RPS6KA5: variants seen among roughly 807,000 people sequenced by gnomAD.
RPS6KA5 encodes the protein ribosomal protein S6 kinase A5.
In RPS6KA5, 27 loss-of-function variants were observed where a neutral mutation model predicts 85.5. That is an observed-to-expected ratio of 0.32 (90% CI 0.23 to 0.44). The LOEUF is 0.44. Among genes scored for constraint, RPS6KA5 ranks in the 20% least tolerant of loss-of-function variants. The probability of loss-of-function intolerance (pLI) is 1.00; values close to 1 mark genes in which losing one functional copy is unlikely to be tolerated. For synonymous variants in RPS6KA5, 334 were observed against 348.2 expected (o/e 0.96, Z 0.46); for missense variants, 811 against 980.9 (o/e 0.83, Z 2.31).
intron 3 of RPS6KA5, among the ~76,000 whole-genome samples, chr14:90,952,471 G>A (rs1005774090): frequency 5.3e-5 from 8 of 152,220 alleles, no homozygotes; most frequent in African/African-American, 1.9e-4. Context: ...CTGTGATCAT[G>A]GGCCTAATTA....
At chr14:91,038,362 CT>C (rs2042479104) in intron 1 of RPS6KA5, among the ~76,000 whole-genome samples, 1 of 152,132 alleles carries the variant, frequency 6.6e-6, no homozygotes, top group South Asian at 2.1e-4. Flanking sequence ...GTTAAAGAGT[CT>C]GTATAAGACT....
chr14:91,040,537 A>T (rs2042568505), intron 1 of RPS6KA5, among the ~76,000 whole-genome samples: 1 of 152,138 alleles, frequency 6.6e-6, no homozygotes, highest in Non-Finnish European at 1.5e-5. Context: ...GGGCTGCTAG[A>T]AGTGATAAGA....
intron 14 of RPS6KA5, among the ~76,000 whole-genome samples, chr14:90,885,763 A>G (rs1385419901): frequency 6.9e-6 from 1 of 144,080 alleles, no homozygotes; most frequent in Non-Finnish European, 1.5e-5. Flanking sequence ...AAAAAAAAAA[A>G]AAAAAAAAAA....
Position 91,052,280 on chromosome 14 carries a change from TCTACTAAAAAAAAAAAAAAAA to T in RPS6KA5, c.103+8031_103+8051del, listed in dbSNP as rs1217432957. 6.0e-4 allele frequency: 160 copies of T among 266,030 alleles called. 3 individuals are homozygous for T. The highest frequency in any genetic ancestry group is 3.5e-4 in the Non-Finnish European group (53 of 152,518). The allele number at this position is 266,030 out of a possible 1,614,324, so 16.5% of individuals were successfully genotyped here. ...CTGGCCAACATGGCAAAACCCCATCTCTACTAAAAAAAAAAAAAAAAAAAAAAAAAAAAAAAAATTACCTGG... is the reference window on the plus strand; with the variant it reads ...CTGGCCAACATGGCAAAACCCCATCTAAAAAAAAAAAAAAAAATTACCTGG... On this transcript the variant is annotated intron_variant, in intron 1 of 16. Transcript: ENST00000614987.
intron 3 of RPS6KA5, among the ~76,000 whole-genome samples, chr14:90,956,786 A>G (rs2038537154): frequency 6.6e-6 from 1 of 151,812 alleles, no homozygotes; most frequent in Non-Finnish European, 1.5e-5. Context: ...CATTAATTCT[A>G]TATATCTATA....
At chr14:90,887,337 T>C (rs1471695182) in intron 14 of RPS6KA5, among the ~76,000 whole-genome samples, 1 of 151,780 alleles carries the variant, frequency 6.6e-6, no homozygotes, top group Non-Finnish European at 1.5e-5. Context: ...TGAGCCACCA[T>C]GCCCAGCTAA....
intron 1 of RPS6KA5, among the ~76,000 whole-genome samples, chr14:91,043,559 GAAT>G (rs569001812): frequency 1.3e-5 from 2 of 152,196 alleles, no homozygotes; most frequent in Non-Finnish European, 2.9e-5. Context: ...ATTGGAAGAA[GAAT>G]AATAATAATT....
chr14:90,978,363 A>G lies in RPS6KA5; in HGVS notation c.337T>C (p.Phe113Leu). ...AAAGCATAATGTAATGTTACCAAAAATGGCGACTGCCTAATGTGTTCCAGG... is the reference window on the plus strand; with the variant it reads ...AAAGCATAATGTAATGTTACCAAAAGTGGCGACTGCCTAATGTGTTCCAGG... ...QVLEHIRQSP[F>L]LVTLHYAFQT... Residue 113 changes from phenylalanine to leucine, a missense_variant, in exon 3 of 17, where the codon TTT becomes CTT. By Grantham distance (22) the Phe-to-Leu change is conservative. Coordinates refer to ENST00000614987, the MANE Select transcript of RPS6KA5 (RefSeq NM_004755.4). 1 of 1,613,382 alleles carries G rather than the reference A, an allele frequency of 6.2e-7. No homozygotes were observed.
chr14:90,957,302 T>C (rs2038574615), intron 3 of RPS6KA5, among the ~76,000 whole-genome samples: 1 of 152,226 alleles, frequency 6.6e-6, no homozygotes, highest in African/African-American at 2.4e-5. Flanking sequence ...TGGCCTCTCG[T>C]GATCTGCCTC....
chr14:90,911,444 T>C (rs542697343), intron 7 of RPS6KA5: 1 of 152,344 alleles, frequency 6.6e-6, no homozygotes, highest in Admixed American at 6.5e-5. Flanking sequence ...TTCACAATCT[T>C]TTCCATTTCA....
At position 90,899,544 on chromosome 14, in the gene RPS6KA5, G is replaced by A; in HGVS notation, c.1380-122C>T. The A allele has an allele frequency of 4.9e-6, 3 of 617,888 alleles. No homozygotes were observed. In the South Asian group the frequency reaches 6.5e-5, roughly 13 times the overall value. 38.3% of individuals were successfully genotyped at this position (617,888 alleles called of 1,614,324 possible). On this transcript the variant is annotated intron_variant, in intron 11 of 16. Transcript: ENST00000614987. ...CAGAATATACATGTTACAGTATACT[G>A]TAATGAGGTTTCCATGAAAGTAATG...
intron 14 of RPS6KA5, among the ~76,000 whole-genome samples, chr14:90,888,546 C>T (rs565760241): frequency 2.0e-5 from 3 of 151,728 alleles, no homozygotes; most frequent in South Asian, 4.2e-4. Context: ...GACTGAAAAC[C>T]GATGAGATAA....
chr14:90,893,139 T>C (rs1428407418), intron 13 of RPS6KA5, among the ~76,000 whole-genome samples: 3 of 152,154 alleles, frequency 2.0e-5, no homozygotes, highest in Non-Finnish European at 2.9e-5. Context: ...ATCTTTTCAA[T>C]TAAAAAAAAC....
chr14:90,929,811 G>A lies in RPS6KA5; in HGVS notation c.619-6615C>T, dbSNP rs576341426. Among the ~76,000 whole-genome samples the A allele has an allele frequency of 1.3e-3, 199 of 152,192 alleles. 1 individual carries two copies. The highest frequency in any genetic ancestry group is 1.6e-3 in the Non-Finnish European group (111 of 67,982). ...GAAAGGAGAGGGAGGTAGGGTGAGG[G>A]TGAAGAGGAAAAAGATCTCACCTTT... On this transcript the variant is annotated intron_variant, in intron 5 of 16. Coordinates refer to ENST00000614987, the MANE Select transcript of RPS6KA5 (RefSeq NM_004755.4).
chr14:90,879,466 G>A (rs1414865802), intron 14 of RPS6KA5, among the ~76,000 whole-genome samples: 2 of 152,200 alleles, frequency 1.3e-5, no homozygotes, highest in Admixed American at 6.5e-5. Flanking sequence ...TGGGGTCGGG[G>A]TGCTGTCTCT....
At chr14:90,933,138 A>G (rs1024839210) in intron 5 of RPS6KA5, among the ~76,000 whole-genome samples, 2 of 152,192 alleles carry the variant, frequency 1.3e-5, no homozygotes, top group Non-Finnish European at 2.9e-5. Context: ...ATAGCATTTG[A>G]CACAGTTAAT....
chr14:90,923,126 G>T lies in RPS6KA5; in HGVS notation c.689C>A (p.Ser230Ter). 6.2e-7 allele frequency: 1 copy of T among 1,609,864 alleles called. No homozygotes were observed. The highest frequency in any genetic ancestry group is 8.5e-7 in the Non-Finnish European group (1 of 1,176,606). Residue 230 changes from serine to a stop codon, truncating the protein, a stop_gained, in exon 6 of 17, where the codon TCA (serine) becomes TAA (stop). Transcript: ENST00000614987. LOFTEE classifies it high-confidence loss of function. Reference protein sequence around the residue: ...MAPDIVRGGDSGHDKAVDWWS... With the variant: ...MAPDIVRGGD ...AATAGAACATACCTTGTCATGTCCT[G>T]AATCTCCCCCTCTGACAATATCTGG...
At chr14:91,037,025 C>T (rs9323855) in intron 1 of RPS6KA5, among the ~76,000 whole-genome samples, 79,007 of 152,008 alleles carry the variant, frequency 0.52, 20,839 homozygotes, top group East Asian at 0.56. Flanking sequence ...TAAGAGAGAG[C>T]TAACAGAATA....
intron 3 of RPS6KA5, among the ~76,000 whole-genome samples, chr14:90,969,860 TTC>T (rs1349835554): frequency 1.3e-5 from 2 of 151,806 alleles, no homozygotes; most frequent in East Asian, 1.9e-4. Flanking sequence ...CTCTCTTTTT[TTC>T]TCTCTCTCTC....
Sources: gnomAD v4.1 joint callset for allele counts (sites outside exome capture counted in the v4.1 genomes callset) on GRCh38, gnomAD v4.1.1 for gene constraint, MANE v1.5 for transcripts, NCBI Gene and HGNC (gene_info 2026-07-23, HGNC 2026-07-21) for gene names.